SLC24A2: variants seen among roughly 807,000 people sequenced by gnomAD.
SLC24A2 encodes solute carrier family 24 member 2.
Under a neutral mutation model 62.0 loss-of-function variants are expected in SLC24A2, and 36 were observed. The observed-to-expected ratio is 0.58, with a 90% confidence interval of 0.44 to 0.77. The LOEUF is 0.77. Ranked by LOEUF, SLC24A2 falls within the 30% of genes least tolerant of loss-of-function variation. The pLI is 0.00. For missense variants in SLC24A2, 846 were observed against 817.9 expected, an observed-to-expected ratio of 1.03 and a Z score of -0.42; for synonymous variants, 358 against 294.0, an observed-to-expected ratio of 1.22 and a Z score of -2.23.
chr9:20,060,652 T>C, the SLC24A2 span, among the ~76,000 whole-genome samples: 1 of 152,140 alleles, frequency 6.6e-6, no homozygotes, highest in African/African-American at 2.4e-5. Context: ...CTTTTCCAAC[T>C]TGTTAAAGGG....
At chr9:19,683,238 A>T (rs1885230) in intron 2 of SLC24A2, among the ~76,000 whole-genome samples, 9,203 of 152,272 alleles carry the variant, frequency 0.06, 315 homozygotes, top group Middle Eastern at 0.15. Context: ...GGCAAGATGC[A>T]GTTTAGTGGG....
the SLC24A2 span, among the ~76,000 whole-genome samples, chr9:20,305,758 T>C: frequency 1.3e-5 from 2 of 152,180 alleles, no homozygotes; most frequent in African/African-American, 2.4e-5. Context: ...GACCACCCAA[T>C]GGCAAGCGGC....
chr9:19,996,028 C>T, the SLC24A2 span, among the ~76,000 whole-genome samples: 1 of 152,290 alleles, frequency 6.6e-6, no homozygotes, highest in Admixed American at 6.5e-5. Context: ...ATGCATGCTT[C>T]AAGACAGGTG....
the SLC24A2 span, among the ~76,000 whole-genome samples, chr9:19,911,637 G>A: frequency 1.1e-4 from 16 of 152,230 alleles, no homozygotes; most frequent in Admixed American, 5.9e-4. Flanking sequence ...CTACTGATAT[G>A]GCGTCCAGTC....
the SLC24A2 span, among the ~76,000 whole-genome samples, chr9:20,097,318 TA>T: frequency 6.6e-6 from 1 of 152,218 alleles, no homozygotes; most frequent in Admixed American, 6.5e-5. Flanking sequence ...AACTTGTTTT[TA>T]ATACCCTTCA....
the SLC24A2 span, among the ~76,000 whole-genome samples, chr9:20,238,160 G>A: frequency 1.4e-4 from 21 of 152,176 alleles, no homozygotes; most frequent in African/African-American, 3.4e-4. Flanking sequence ...CTACATTTAT[G>A]AGGCCTGACA....
At chr9:20,226,169 A>G in the SLC24A2 span, among the ~76,000 whole-genome samples, 1 of 152,092 alleles carries the variant, frequency 6.6e-6, no homozygotes, top group African/African-American at 2.4e-5. Flanking sequence ...ATATGCAAGG[A>G]AATTGAGGAA....
At chr9:20,230,619 G>C in the SLC24A2 span, among the ~76,000 whole-genome samples, 3 of 152,118 alleles carry the variant, frequency 2.0e-5, no homozygotes, top group Non-Finnish European at 4.4e-5. Flanking sequence ...GTTCATTGTA[G>C]ATTCTGGATA....
At chr9:19,785,159 G>C (rs536699969) in intron 2 of SLC24A2, among the ~76,000 whole-genome samples, 5 of 152,282 alleles carry the variant, frequency 3.3e-5, no homozygotes, top group African/African-American at 1.2e-4. Flanking sequence ...AATAATTTAG[G>C]TGTTTGCAGG....
chr9:20,016,981 G>A, the SLC24A2 span, among the ~76,000 whole-genome samples: 5 of 152,218 alleles, frequency 3.3e-5, no homozygotes, highest in Non-Finnish European at 7.4e-5. Flanking sequence ...TAATTTAAAA[G>A]GGCATAGTTG....
At chr9:20,039,913 G>C in the SLC24A2 span, among the ~76,000 whole-genome samples, 2 of 152,302 alleles carry the variant, frequency 1.3e-5, no homozygotes, top group Non-Finnish European at 2.9e-5. Context: ...ACTCAGCTTA[G>C]GCAGAGGTCA....
intron 2 of SLC24A2, among the ~76,000 whole-genome samples, chr9:19,695,448 A>C (rs1382972782): frequency 1.3e-5 from 2 of 152,122 alleles, no homozygotes. Flanking sequence ...CAAACAACTG[A>C]ATAAGAAAAA....
the SLC24A2 span, among the ~76,000 whole-genome samples, chr9:19,996,366 T>G: frequency 2.6e-5 from 4 of 152,130 alleles, no homozygotes; most frequent in Non-Finnish European, 5.9e-5. Context: ...AATATTTGAG[T>G]CGATTATGTG....
At chr9:19,665,777 G>A (rs951963573) in intron 2 of SLC24A2, among the ~76,000 whole-genome samples, 1 of 151,942 alleles carries the variant, frequency 6.6e-6, no homozygotes, top group African/African-American at 2.4e-5. Flanking sequence ...ACCATGCCTG[G>A]TTAATTTGTG....
chr9:20,209,437 CCTCT>C, the SLC24A2 span, among the ~76,000 whole-genome samples: 2 of 152,050 alleles, frequency 1.3e-5, no homozygotes, highest in Non-Finnish European at 2.9e-5. Context: ...CTAAGAAACC[CCTCT>C]CTATTAAAAT....
the SLC24A2 span, among the ~76,000 whole-genome samples, chr9:19,801,932 T>A: frequency 5.9e-5 from 9 of 152,346 alleles, no homozygotes; most frequent in East Asian, 1.2e-3. Context: ...AAGATAATTC[T>A]CTTGCCCCTA....
the SLC24A2 span, among the ~76,000 whole-genome samples, chr9:20,142,622 A>G: frequency 8.6e-5 from 13 of 151,850 alleles, no homozygotes; most frequent in Non-Finnish European, 1.9e-4. Context: ...TTTGACATGG[A>G]GTCTCACTCT....
At chr9:19,622,227 A>G in intron 3 of SLC24A2, 34 bp downstream of exon 3, 1 of 1,605,466 alleles carries the variant, frequency 6.2e-7, no homozygotes, top group Non-Finnish European at 8.5e-7. Context: ...CCACAGGCAC[A>G]CAAACAGGTA....
At chr9:20,273,923 C>G in the SLC24A2 span, among the ~76,000 whole-genome samples, 2 of 152,142 alleles carry the variant, frequency 1.3e-5, no homozygotes, top group Non-Finnish European at 2.9e-5. Context: ...TTAAATAATT[C>G]TGTTAGGCTT....
Sources: gnomAD v4.1 joint callset for allele counts (sites outside exome capture counted in the v4.1 genomes callset) on GRCh38, gnomAD v4.1.1 for gene constraint, MANE v1.5 for transcripts, NCBI Gene and HGNC (gene_info 2026-07-23, HGNC 2026-07-21) for gene names.